SOX5: variants seen among roughly 807,000 people sequenced by gnomAD.
The protein encoded by SOX5 is SRY-box transcription factor 5.
Under a neutral mutation model 92.0 loss-of-function variants are expected in SOX5, and 9 were observed. The observed-to-expected ratio is 0.10, with a 90% CI of 0.06 to 0.17. SOX5 has a LOEUF of 0.17. Ranked by LOEUF, SOX5 falls within the 10% of genes least tolerant of loss-of-function variation. The pLI, the probability that SOX5 is intolerant of heterozygous loss-of-function variation, is 1.00. For missense variants in SOX5, 642 were observed against 944.5 expected (o/e 0.68, Z 4.20); for synonymous variants, 344 against 336.3 (o/e 1.02, Z -0.25).
At chr12:24,183,621 T>C (rs939571359) in intron 4 of SOX5, among the ~76,000 whole-genome samples, 2 of 152,150 alleles carry the variant, frequency 1.3e-5, no homozygotes, top group African/African-American at 2.4e-5. Context: ...AAGTCCTCAA[T>C]ATATGGAAGG....
chr12:24,152,424 T>C (rs1951750094), intron 4 of SOX5, among the ~76,000 whole-genome samples: 1 of 152,136 alleles, frequency 6.6e-6, no homozygotes, highest in Admixed American at 6.6e-5. Context: ...GAAAGTGAGC[T>C]CTGAGTGAGT....
At chr12:24,237,664 T>C (rs765040671) in intron 3 of SOX5, among the ~76,000 whole-genome samples, 1 of 152,186 alleles carries the variant, frequency 6.6e-6, no homozygotes, top group Non-Finnish European at 1.5e-5. Context: ...CAAGTTGTAT[T>C]TTTCTAAACA....
At chr12:23,706,830 T>C (rs2091449096) in intron 6 of SOX5, among the ~76,000 whole-genome samples, 2 of 152,050 alleles carry the variant, frequency 1.3e-5, no homozygotes, top group Non-Finnish European at 2.9e-5. Flanking sequence ...TCTCTGTGGA[T>C]GTTATATTTT....
In SOX5 at chr12:24,298,889, C is replaced by T. The variant is rs1947626434; in HGVS notation, c.-173-21577G>A. 2.0e-5 allele frequency among the ~76,000 whole-genome samples: 3 copies of T among 150,708 alleles called. No homozygotes were observed. The South Asian group carries it at 6.3e-4, about 32-fold the overall frequency. Reference sequence around the variant, plus strand: ...TAGCCAGGAGTGAGAAAGTTAACCACATAAATCCCTAGTTTTCAGTATGTA... The same window carrying T: ...TAGCCAGGAGTGAGAAAGTTAACCATATAAATCCCTAGTTTTCAGTATGTA... On this transcript the variant is annotated intron_variant, in intron 2 of 4. Transcript: ENST00000446891.
chr12:24,268,483 T>G (rs925222175), intron 3 of SOX5, among the ~76,000 whole-genome samples: 2 of 152,158 alleles, frequency 1.3e-5, no homozygotes, highest in Non-Finnish European at 2.9e-5. Flanking sequence ...TTACAACGAT[T>G]TTTAAAGGTT....
intron 2 of SOX5, among the ~76,000 whole-genome samples, chr12:24,314,266 T>C (rs1462622338): frequency 1.3e-5 from 2 of 151,468 alleles, no homozygotes; most frequent in Admixed American, 6.6e-5. Flanking sequence ...TCCATGTCCC[T>C]ACAAAGGACA....
intron 3 of SOX5, among the ~76,000 whole-genome samples, chr12:23,803,381 TTC>T (rs1410806042): frequency 6.6e-6 from 1 of 152,176 alleles, no homozygotes; most frequent in African/African-American, 2.4e-5. Flanking sequence ...CATCTTTAAC[TTC>T]TCTCTGTTTT....
chr12:24,314,968 G>A (rs535057923), intron 2 of SOX5, among the ~76,000 whole-genome samples: 1 of 152,300 alleles, frequency 6.6e-6, no homozygotes, highest in East Asian at 1.9e-4. Context: ...GCAATGTTAA[G>A]CACAGTTCCA....
chr12:24,475,431 T>TA (rs1945258539), intron 1 of SOX5, among the ~76,000 whole-genome samples: 1 of 152,212 alleles, frequency 6.6e-6, no homozygotes, highest in South Asian at 2.1e-4. Context: ...CACAGTATCT[T>TA]AAGCACATGC....
At chr12:24,098,342 C>T (rs1341575970) in intron 4 of SOX5, among the ~76,000 whole-genome samples, 1 of 152,048 alleles carries the variant, frequency 6.6e-6, no homozygotes, top group Non-Finnish European at 1.5e-5. Context: ...TATTTTTACT[C>T]TTATCATAAT....
intron 6 of SOX5, among the ~76,000 whole-genome samples, chr12:23,709,493 T>C (rs2091818695): frequency 6.6e-6 from 1 of 152,152 alleles, no homozygotes; most frequent in African/African-American, 2.4e-5. Flanking sequence ...TGAAAAAATG[T>C]ACTCAAAGGG....
chr12:24,018,261 C>A (rs772380381), intron 4 of SOX5, among the ~76,000 whole-genome samples: 1 of 152,140 alleles, frequency 6.6e-6, no homozygotes, highest in Non-Finnish European at 1.5e-5. Flanking sequence ...TTCTCCCTTG[C>A]AGTTTGTTGC....
rs58135899 is a variant in SOX5, at chr12:24,364,511, CATATATATATATAT to C, written c.-174+4038_-174+4051del. Among the ~76,000 whole-genome samples the C allele has an allele frequency of 3.1e-3, 340 of 110,524 alleles. 6 individuals carry two copies. The highest frequency in any genetic ancestry group is 0.01 in the African/African-American group (293 of 29,016). 72.5% of individuals were successfully genotyped at this position (110,524 alleles called of 152,430 possible). A position where few individuals can be genotyped will look rare whatever the true frequency, so the allele number is the denominator to read the frequency against. ...AAAACTGAACAACTTAACATTTTTT[CATATATATATATAT>C]ATATATATATATATATATACACGAA... On this transcript the variant is annotated intron_variant, in intron 2 of 4. Coordinates refer to the SOX5 transcript ENST00000446891.
At chr12:23,997,155 T>G (rs1001360076) in intron 4 of SOX5, among the ~76,000 whole-genome samples, 10 of 152,178 alleles carry the variant, frequency 6.6e-5, no homozygotes, top group Admixed American at 5.9e-4. Flanking sequence ...GTAAATCTGT[T>G]AAGCCTCAGA....
At chr12:24,403,536 A>G (rs77446862) in intron 1 of SOX5, among the ~76,000 whole-genome samples, 1 of 152,342 alleles carries the variant, frequency 6.6e-6, no homozygotes, top group Non-Finnish European at 1.5e-5. Flanking sequence ...TTAAAATATT[A>G]GTGTGCAGCT....
chr12:23,804,006 T>C (rs553031269), intron 3 of SOX5, among the ~76,000 whole-genome samples: 2 of 152,352 alleles, frequency 1.3e-5, no homozygotes, highest in African/African-American at 4.8e-5. Flanking sequence ...CAAAAAGTTA[T>C]AGGTTTTGTT....
chr12:24,180,605 C>A (rs893005721), intron 4 of SOX5, among the ~76,000 whole-genome samples: 1 of 152,130 alleles, frequency 6.6e-6, no homozygotes, highest in African/African-American at 2.4e-5. Flanking sequence ...CGTTACTATG[C>A]CACTTTACTT....
At chr12:23,972,255 T>C (rs1948427663) in intron 4 of SOX5, among the ~76,000 whole-genome samples, 1 of 152,198 alleles carries the variant, frequency 6.6e-6, no homozygotes, top group African/African-American at 2.4e-5. Flanking sequence ...AAGCTGAGCA[T>C]AAACATTTCA....
chr12:24,540,307 G>GTA (rs148489530), intron 1 of SOX5, among the ~76,000 whole-genome samples: 33,899 of 148,100 alleles, frequency 0.23, 4,331 homozygotes, highest in African/African-American at 0.38. Context: ...AAAAACTAAT[G>GTA]CAAGGTAATG....
Sources: gnomAD v4.1 joint callset for allele counts (sites outside exome capture counted in the v4.1 genomes callset) on GRCh38, gnomAD v4.1.1 for gene constraint, MANE v1.5 for transcripts, NCBI Gene and HGNC (gene_info 2026-07-23, HGNC 2026-07-21) for gene names.